The following DAGLB variants were observed in gnomAD, a reference collection of about 807,000 sequenced individuals.
The protein encoded by DAGLB is diacylglycerol lipase beta, also known as diacylglycerol lipase-beta.
In DAGLB, 66 loss-of-function variants were observed where a neutral mutation model predicts 72.1. That is an observed-to-expected ratio of 0.92 (90% CI 0.75 to 1.12). DAGLB has a LOEUF of 1.12. DAGLB is among the 50% of genes most tolerant of loss of function. The pLI is 0.00. For missense variants in DAGLB, 1,065 were observed against 884.9 expected (o/e 1.20, Z -2.58); for synonymous variants, 414 against 359.5 (o/e 1.15, Z -1.71).
intron 11 of DAGLB, among the ~76,000 whole-genome samples, chr7:6,413,334 C>T (rs1156928796): frequency 3.3e-5 from 5 of 152,154 alleles, no homozygotes; most frequent in Admixed American, 2.6e-4. Context: ...AAGACTCCAT[C>T]AAAGATGCAC....
At chr7:6,416,275 G>T in intron 11 of DAGLB, 1 of 183,124 alleles carries the variant, frequency 5.5e-6, no homozygotes, top group Non-Finnish European at 1.1e-5. Flanking sequence ...TGGGTGCGGT[G>T]GCTCACGCCT....
intron 9 of DAGLB, among the ~76,000 whole-genome samples, chr7:6,420,968 CTTTG>C (rs1784094916): frequency 2.0e-5 from 3 of 152,196 alleles, no homozygotes; most frequent in African/African-American, 7.2e-5. Context: ...CTGCTCTGAG[CTTTG>C]ATGAAGCTGT....
In DAGLB at chr7:6,410,301, C is replaced by T. The variant is rs747008150; in HGVS notation, c.1649G>A (p.Gly550Asp). 1 of 1,613,982 alleles carries T rather than the reference C, an allele frequency of 6.2e-7. No individual in the cohort carries two copies. The highest frequency in any genetic ancestry group is 1.1e-5 in the South Asian group (1 of 91,040). The change falls in exon 14 of 15, where the codon GGC becomes GAC. Residue 550 changes from glycine to aspartate, a missense_variant. Coordinates refer to ENST00000297056, the MANE Select transcript of DAGLB (RefSeq NM_139179.4). Reference protein sequence around the residue: ...PNNLPTELDGGDQEVLTQPLL... With the variant: ...PNNLPTELDGDDQEVLTQPLL... The stretch of plus-strand genomic sequence containing the variant: ...AGGCTGTGTCAGGACTTCCTGGTCG[C>T]CCCCGTCCAGCTCCGTGGGCAAGTT...
intron 2 of DAGLB, among the ~76,000 whole-genome samples, chr7:6,438,968 C>T (rs1784745469): frequency 6.6e-6 from 1 of 152,070 alleles, no homozygotes; most frequent in Admixed American, 6.6e-5. Flanking sequence ...CGCCTGTAAT[C>T]CTAACACTTT....
chr7:6,414,344 GCT>G (rs1450140601), intron 11 of DAGLB, among the ~76,000 whole-genome samples: 2 of 148,674 alleles, frequency 1.3e-5, no homozygotes, highest in African/African-American at 5.0e-5. Flanking sequence ...ACGGAGTGTA[GCT>G]CTGTCACCCA....
intron 6 of DAGLB, among the ~76,000 whole-genome samples, chr7:6,429,322 C>T (rs1784407253): frequency 6.6e-6 from 1 of 151,878 alleles, no homozygotes; most frequent in African/African-American, 2.4e-5. Flanking sequence ...GGCCCTTCTA[C>T]AAAATATCTG....
intron 4 of DAGLB, among the ~76,000 whole-genome samples, chr7:6,433,638 G>A (rs946566899): frequency 5.3e-5 from 8 of 152,114 alleles, no homozygotes; most frequent in African/African-American, 1.7e-4. Context: ...TCAGAAGTTC[G>A]AGACCAGCCT....
intron 11 of DAGLB, 130 bp downstream of exon 11, chr7:6,416,497 C>A: frequency 2.2e-6 from 3 of 1,373,858 alleles, no homozygotes; most frequent in Admixed American, 2.5e-5. Context: ...GAGCCGAGAT[C>A]ACGCCACTGC....
chr7:6,430,965 G>A (rs1456665657), intron 5 of DAGLB, among the ~76,000 whole-genome samples: 1 of 151,904 alleles, frequency 6.6e-6, no homozygotes, highest in Non-Finnish European at 1.5e-5. Context: ...TAGTAGAGAC[G>A]GGGTTTCACC....
chr7:6,424,670 G>A (rs1295397474), intron 8 of DAGLB, 82 bp downstream of exon 8: 2 of 1,352,884 alleles, frequency 1.5e-6, no homozygotes, highest in South Asian at 1.2e-5. Flanking sequence ...TGCGGTTACT[G>A]ACGGATTTCC....
Position 6,409,992 on chromosome 7 carries a change from G to C in DAGLB, c.1864C>G (p.His622Asp). ...AGTATTTTGCTGAATTCCGCTTCGT[G>C]TGACCACTTGGCGCTATAGTGAGCA... is the stretch of plus-strand genomic sequence containing the variant. ...SAAHYSAKWS[H>D]EAEFSKILIG... Residue 622 changes from histidine to aspartate, a missense_variant, in exon 15 of 15, where the codon CAC becomes GAC. Coordinates refer to ENST00000297056, the MANE Select transcript of DAGLB (RefSeq NM_139179.4). The C allele has an allele frequency of 1.2e-6, 2 of 1,614,158 alleles. No homozygotes were observed. The highest frequency in any genetic ancestry group is 1.1e-5 in the South Asian group (1 of 91,086).
intron 2 of DAGLB, among the ~76,000 whole-genome samples, chr7:6,443,131 C>T (rs371011269): frequency 3.0e-4 from 45 of 148,160 alleles, no homozygotes; most frequent in African/African-American, 1.1e-3. Context: ...TACAGTGAGC[C>T]GAGATAGAGA....
intron 13 of DAGLB, among the ~76,000 whole-genome samples, chr7:6,411,574 C>A (rs1783730271): frequency 6.6e-6 from 1 of 152,148 alleles, no homozygotes; most frequent in Non-Finnish European, 1.5e-5. Context: ...TGTGCCGAGA[C>A]TGCGCCACTG....
chr7:6,447,507 C>T (rs929903376), intron 1 of DAGLB, among the ~76,000 whole-genome samples: 1 of 152,320 alleles, frequency 6.6e-6, no homozygotes, highest in South Asian at 2.1e-4. Context: ...TTCGAAACCC[C>T]CTGTTTGTCC....
Position 6,441,707 on chromosome 7 carries a change from G to A in DAGLB, c.247+4246C>T, listed in dbSNP as rs570325785. 1.4e-3 allele frequency among the ~76,000 whole-genome samples: 214 copies of A among 152,240 alleles called. 1 individual carries two copies. Among genetic ancestry groups the A allele is most frequent in the African/African-American group, 4.8e-3 (201 of 41,550 alleles). The stretch of plus-strand genomic sequence containing the variant: ...GCTGGAATTACAGGTGTAAGCCACC[G>A]CGCCTGGCCTTCAATACATATTTTT... On this transcript the variant is annotated intron_variant, in intron 2 of 14. Transcript: ENST00000297056.
chr7:6,434,222 T>A (rs953158346), intron 4 of DAGLB, among the ~76,000 whole-genome samples: 1 of 142,296 alleles, frequency 7.0e-6, no homozygotes. Flanking sequence ...TATAAAAAGA[T>A]GACACGCTGC....
chr7:6,421,891 T>A, intron 8 of DAGLB, 87 bp from the exon 9 acceptor site: 1 of 1,422,764 alleles, frequency 7.0e-7, no homozygotes, highest in Non-Finnish European at 9.7e-7. Context: ...CTGACACTTC[T>A]GTGGAGGATG....
At chr7:6,411,440 G>C (rs935679422) in intron 13 of DAGLB, among the ~76,000 whole-genome samples, 5 of 152,164 alleles carry the variant, frequency 3.3e-5, no homozygotes, top group Admixed American at 1.3e-4. Flanking sequence ...TGGGCAACAT[G>C]GTAAGACCCT....
At chr7:6,412,631 C>A (rs1219130379) in intron 13 of DAGLB, 180 bp downstream of exon 13, 11 of 684,602 alleles carry the variant, frequency 1.6e-5, no homozygotes, top group Non-Finnish European at 2.0e-5. Context: ...TTGCTGCAGC[C>A]ATTTGCTTTC....
Sources: gnomAD v4.1 joint callset for allele counts (sites outside exome capture counted in the v4.1 genomes callset) on GRCh38, gnomAD v4.1.1 for gene constraint, MANE v1.5 for transcripts, NCBI Gene and HGNC (gene_info 2026-07-23, HGNC 2026-07-21) for gene names.